Variants in ECT2L observed in about 807,000 individuals in gnomAD.
ECT2L encodes epithelial cell-transforming sequence 2 oncogene-like.
Under a neutral mutation model 122.8 loss-of-function variants are expected in ECT2L, and 126 were observed. The ratio of observed to expected loss-of-function variants is 1.03; its 90% CI spans 0.89 to 1.19. ECT2L has a LOEUF of 1.19. Among genes scored for constraint, ECT2L ranks in the 50% most tolerant of loss-of-function variants. The probability of loss-of-function intolerance (pLI) is 0.00; values close to 1 mark genes in which losing one functional copy is unlikely to be tolerated. For synonymous variants in ECT2L, 385 were observed against 381.8 expected, an observed-to-expected ratio of 1.01 and a Z score of -0.10; for missense variants, 1,012 against 1,064.1, an observed-to-expected ratio of 0.95 and a Z score of 0.68.
chr6:138,842,168 G>A (rs865846533), intron 5 of ECT2L, among the ~76,000 whole-genome samples: 1 of 152,206 alleles, frequency 6.6e-6, no homozygotes, highest in South Asian at 2.1e-4. Context: ...ATTTAAAAAC[G>A]TTATATCTGG....
At position 138,865,041 on chromosome 6, in the gene ECT2L, C is replaced by T. The variant is rs1239320115; in HGVS notation, c.1337C>T (p.Ser446Phe). The T allele has an allele frequency of 1.2e-6, 2 of 1,613,988 alleles. No homozygotes were observed. Among genetic ancestry groups the T allele is most frequent in the Admixed American group, 3.3e-5 (2 of 60,024 alleles). Residue 446 changes from serine to phenylalanine, a missense_variant, in exon 12 of 22, where the codon TCC becomes TTC. Coordinates refer to ENST00000541398, the MANE Select transcript of ECT2L (RefSeq NM_001077706.3). ...TCCCAATGGGGAAAGGCCCCCTCTT[C>T]CATCTACTTCTGCGAATCGAAGCTA... ...LGSQWGKAPS[S>F]IYFCESKLQT... is the part of the protein sequence containing the mutation.
chr6:138,839,270 T>TA (rs1776958414), intron 5 of ECT2L, among the ~76,000 whole-genome samples: 1 of 152,246 alleles, frequency 6.6e-6, no homozygotes, highest in Non-Finnish European at 1.5e-5. Context: ...AGCAGCTGTT[T>TA]AAAATCAACA....
intron 9 of ECT2L, among the ~76,000 whole-genome samples, chr6:138,851,085 T>A (rs190421759): frequency 6.7e-6 from 1 of 149,620 alleles, no homozygotes; most frequent in African/African-American, 2.5e-5. Flanking sequence ...AGCAGTTGCA[T>A]CATTTCATAA....
At chr6:138,890,492 CTTTTT>C (rs552594959) in intron 20 of ECT2L, among the ~76,000 whole-genome samples, 17 of 78,990 alleles carry the variant, frequency 2.2e-4, no homozygotes, top group East Asian at 1.9e-3. Flanking sequence ...TTTCTTTGAT[CTTTTT>C]TTTTTTTTTT....
intron 20 of ECT2L, among the ~76,000 whole-genome samples, chr6:138,896,091 A>AGTTTT (rs1255944186): frequency 0.019 from 2,654 of 141,860 alleles, 86 homozygotes; most frequent in African/African-American, 0.058. Flanking sequence ...TTCATTGCTG[A>AGTTTT]ATTTTTTTTT....
chr6:138,885,845 A>G lies in ECT2L; in HGVS notation c.2259+15A>G, dbSNP rs1369677336. On this transcript the variant is annotated intron_variant, in intron 18 of 21. Transcript: ENST00000541398. ...ATATAGATCAGGTTGGTTGCTGATA[A>G]GAATCTGTGTCCTTTAAACATGTTA... is the stretch of plus-strand genomic sequence containing the variant. 3 of 1,609,578 alleles carry G rather than the reference A, an allele frequency of 1.9e-6. No homozygotes were observed. The Admixed American group carries it at 5.1e-5, about 27-fold the overall frequency.
rs144603306 is a variant in ECT2L at position 138,855,618 on chromosome 6, A to C, written c.1198+1464A>C. The stretch of plus-strand genomic sequence containing the variant: ...AATTTTTCTACTTTTCTACTTTGAA[A>C]TTAGTTTTAAAAGACTAGGTTACAA... On this transcript the variant is annotated intron_variant, in intron 10 of 21. Coordinates refer to ENST00000541398, the MANE Select transcript of ECT2L (RefSeq NM_001077706.3). Among the ~76,000 whole-genome samples the C allele has an allele frequency of 2.0e-4, 30 of 152,352 alleles. No homozygotes were observed. The East Asian group carries it at 5.4e-3, about 27-fold the overall frequency.
chr6:138,833,573 C>T (rs982200534), intron 4 of ECT2L, among the ~76,000 whole-genome samples: 4 of 151,972 alleles, frequency 2.6e-5, no homozygotes, highest in Non-Finnish European at 4.4e-5. Context: ...AAAACATGCA[C>T]CAGAGGATCA....
chr6:138,891,730 A>G (rs1319032628), intron 20 of ECT2L, among the ~76,000 whole-genome samples: 1 of 152,142 alleles, frequency 6.6e-6, no homozygotes, highest in Admixed American at 6.6e-5. Context: ...TAACCCAACC[A>G]TCTTGGGCAC....
Position 138,851,176 on chromosome 6 carries a change from C to CT in ECT2L, c.1069+1751dup, listed in dbSNP as rs372501344. 3.4e-3 allele frequency among the ~76,000 whole-genome samples: 509 copies of CT among 150,960 alleles called. 1 individual carries two copies. The highest frequency in any genetic ancestry group is 0.011 in the African/African-American group (469 of 41,226). The stretch of plus-strand genomic sequence containing the variant: ...CACTTATTTTCTGTGTGTATCTGTG[C>CT]TTTTTTTTTGTTTTGTTGGTTTTTT... On this transcript the variant is annotated intron_variant, in intron 9 of 21. Coordinates refer to ENST00000541398, the MANE Select transcript of ECT2L (RefSeq NM_001077706.3).
At chr6:138,798,997 C>T (rs1399121278) in intron 1 of ECT2L, among the ~76,000 whole-genome samples, 2 of 152,154 alleles carry the variant, frequency 1.3e-5, no homozygotes, top group African/African-American at 2.4e-5. Context: ...CTGTACATCA[C>T]TTCATTTTTT....
chr6:138,827,720 A>G (rs751627928), intron 4 of ECT2L, among the ~76,000 whole-genome samples: 2 of 151,968 alleles, frequency 1.3e-5, no homozygotes, highest in Non-Finnish European at 2.9e-5. Flanking sequence ...CACCACACCC[A>G]GCTAATTTTT....
At chr6:138,808,724 C>CTTT (rs1562450671) in intron 1 of ECT2L, among the ~76,000 whole-genome samples, 1 of 86,902 alleles carries the variant, frequency 1.2e-5, no homozygotes, top group African/African-American at 3.6e-5. Flanking sequence ...TTTCCTTTCT[C>CTTT]TTTTCTTTTT....
At chr6:138,868,703 A>C (rs1005309856) in intron 13 of ECT2L, among the ~76,000 whole-genome samples, 3 of 152,200 alleles carry the variant, frequency 2.0e-5, no homozygotes, top group Admixed American at 6.5e-5. Flanking sequence ...TGTAGGAGAA[A>C]CCCAAAGAAA....
intron 1 of ECT2L, among the ~76,000 whole-genome samples, chr6:138,812,221 GC>G (rs1367194484): frequency 6.6e-6 from 1 of 152,176 alleles, no homozygotes; most frequent in Non-Finnish European, 1.5e-5. Context: ...TGGAATTATA[GC>G]CCCTAGAACT....
At chr6:138,866,309 G>A (rs1450219802) in intron 12 of ECT2L, among the ~76,000 whole-genome samples, 1 of 152,008 alleles carries the variant, frequency 6.6e-6, no homozygotes, top group Admixed American at 6.6e-5. Flanking sequence ...CGCCATGCCT[G>A]GCCAATTTTT....
At chr6:138,827,951 T>A (rs1344520197) in intron 4 of ECT2L, among the ~76,000 whole-genome samples, 3 of 151,812 alleles carry the variant, frequency 2.0e-5, no homozygotes, top group African/African-American at 7.3e-5. Flanking sequence ...TATTTTTTTT[T>A]TATACTTTAA....
chr6:138,861,352 A>C (rs933194914), intron 10 of ECT2L, among the ~76,000 whole-genome samples: 2 of 152,222 alleles, frequency 1.3e-5, no homozygotes, highest in Non-Finnish European at 2.9e-5. Flanking sequence ...CCAACAATGG[A>C]AAAGTATTCC....
At chr6:138,873,806 CA>C (rs1418227574) in intron 13 of ECT2L, among the ~76,000 whole-genome samples, 1 of 150,766 alleles carries the variant, frequency 6.6e-6, no homozygotes, top group East Asian at 2.0e-4. Context: ...AAAAAATAAA[CA>C]AAACAAAAAA....
Sources: allele counts gnomAD v4.1 joint callset (sites outside exome capture counted in the v4.1 genomes callset), GRCh38; gene constraint gnomAD v4.1.1; transcripts MANE v1.5; gene names NCBI Gene and HGNC (gene_info 2026-07-23, HGNC 2026-07-21).